COX7B2: variants seen among roughly 807,000 people sequenced by gnomAD.
COX7B2 encodes cytochrome c oxidase subunit 7B2, also known as cytochrome c oxidase subunit 7B2, mitochondrial.
For missense variants in COX7B2, 109 were observed against 95.9 expected (o/e 1.14, Z -0.57); for synonymous variants, 37 against 32.1 (o/e 1.15, Z -0.51).
At chr4:46,828,662 C>T (rs73142962) in intron 2 of COX7B2, among the ~76,000 whole-genome samples, 11,714 of 152,096 alleles carry the variant, frequency 0.077, 519 homozygotes, top group South Asian at 0.16. Flanking sequence ...AGAGTACAAT[C>T]AGTAAATCAT....
chr4:46,738,038 A>C (rs1057156580), intron 2 of COX7B2, among the ~76,000 whole-genome samples: 3 of 152,146 alleles, frequency 2.0e-5, no homozygotes, highest in Non-Finnish European at 4.4e-5. Flanking sequence ...TTTCATTTGA[A>C]TTGAATTCAG....
intron 1 of COX7B2, among the ~76,000 whole-genome samples, chr4:46,861,800 CCT>C (rs1397721850): frequency 6.6e-6 from 1 of 152,142 alleles, no homozygotes; most frequent in South Asian, 2.1e-4. Context: ...TGGATAACCC[CCT>C]CTTAGCTGTT....
chr4:46,793,640 A>G (rs956560605), intron 2 of COX7B2, among the ~76,000 whole-genome samples: 4 of 152,192 alleles, frequency 2.6e-5, no homozygotes, highest in Admixed American at 2.0e-4. Context: ...AGAGGTATCT[A>G]TGTGTACATT....
At chr4:46,831,108 G>C (rs2109725750) in intron 2 of COX7B2, among the ~76,000 whole-genome samples, 1 of 152,294 alleles carries the variant, frequency 6.6e-6, no homozygotes, top group South Asian at 2.1e-4. Context: ...GGGTGGGCAT[G>C]GGCTTGGTGG....
intron 2 of COX7B2, among the ~76,000 whole-genome samples, chr4:46,842,949 C>G (rs1184796212): frequency 6.6e-6 from 1 of 151,840 alleles, no homozygotes; most frequent in Non-Finnish European, 1.5e-5. Flanking sequence ...ATGGTATTTC[C>G]AGTTCTAGAT....
Position 46,763,052 on chromosome 4 carries a change from ATATGTAATATATAT to A in COX7B2, c.-49-27825_-49-27812del, listed in dbSNP as rs1716297997. Among the ~76,000 whole-genome samples the A allele has an allele frequency of 4.1e-5, 5 of 120,768 alleles. No individual in the cohort carries two copies. The South Asian group carries it at 9.7e-4, about 23-fold the overall frequency. The allele number at this position is 120,768 out of a possible 152,430, so 79.2% of individuals were successfully genotyped here. ...AATATAATATATATTATATATTATAATATGTAATATATATTATATAATATATATTACATATTATA... is the reference window on the plus strand; with the variant it reads ...AATATAATATATATTATATATTATAATATATAATATATATTACATATTATA... On this transcript the variant is annotated intron_variant, in intron 2 of 2. Coordinates refer to ENST00000355591, the MANE Select transcript of COX7B2 (RefSeq NM_130902.3).
chr4:46,855,832 G>C (rs1489870067), intron 1 of COX7B2, among the ~76,000 whole-genome samples: 1 of 152,152 alleles, frequency 6.6e-6, no homozygotes, highest in Non-Finnish European at 1.5e-5. Flanking sequence ...TGTTTACAAT[G>C]AGCTTCTCTG....
intron 1 of COX7B2, among the ~76,000 whole-genome samples, chr4:46,879,699 A>T: frequency 6.6e-6 from 1 of 150,900 alleles, no homozygotes; most frequent in East Asian, 2.0e-4. Context: ...TCCTTGATGG[A>T]TTTATCAAAG....
chr4:46,833,430 C>T (rs1715297606), intron 2 of COX7B2, among the ~76,000 whole-genome samples: 1 of 152,080 alleles, frequency 6.6e-6, no homozygotes, highest in South Asian at 2.1e-4. Flanking sequence ...ATGCTTAATT[C>T]CTATGCAGAA....
At chr4:46,879,821 A>G (rs1241241187) in intron 1 of COX7B2, among the ~76,000 whole-genome samples, 1 of 151,984 alleles carries the variant, frequency 6.6e-6, no homozygotes, top group Non-Finnish European at 1.5e-5. Context: ...ACAACTCTTT[A>G]TTGTACCCAG....
intron 2 of COX7B2, among the ~76,000 whole-genome samples, chr4:46,827,322 G>A (rs1714765392): frequency 1.3e-5 from 2 of 151,740 alleles, no homozygotes; most frequent in South Asian, 2.1e-4. Flanking sequence ...ACTCATAGTC[G>A]ACTTATGAAA....
chr4:46,826,595 G>T (rs1312353174), intron 2 of COX7B2, among the ~76,000 whole-genome samples: 1 of 152,070 alleles, frequency 6.6e-6, no homozygotes, highest in Non-Finnish European at 1.5e-5. Context: ...CAACAGCAAA[G>T]ACATGGAATC....
At chr4:46,836,863 G>A (rs373755297) in intron 2 of COX7B2, among the ~76,000 whole-genome samples, 58 of 152,128 alleles carry the variant, frequency 3.8e-4, no homozygotes, top group African/African-American at 1.3e-3. Flanking sequence ...TAGGCAATAG[G>A]TATTTTTCAG....
chr4:46,892,470 A>G (rs906385174), intron 1 of COX7B2, among the ~76,000 whole-genome samples: 4 of 152,176 alleles, frequency 2.6e-5, no homozygotes, highest in African/African-American at 9.6e-5. Flanking sequence ...ACATGTAGTG[A>G]CATGTATTCT....
intron 2 of COX7B2, among the ~76,000 whole-genome samples, chr4:46,837,745 A>C (rs1715633729): frequency 6.6e-6 from 1 of 152,106 alleles, no homozygotes; most frequent in Non-Finnish European, 1.5e-5. Flanking sequence ...TAGCAATTAA[A>C]TATCCCTGAG....
rs1377922703 is a variant in COX7B2, at chr4:46,800,075, G to GA, written c.-50+44884dup. Among the ~76,000 whole-genome samples the GA allele has an allele frequency of 5.9e-5, 9 of 151,962 alleles. No individual in the cohort carries two copies. The East Asian group carries it at 1.7e-3, about 29-fold the overall frequency. ...TAGGAATATAGCTAACCAGGGAGCTGAAAAATCTCTACAGTGAAAATTATA... is the reference window on the plus strand; with the variant it reads ...TAGGAATATAGCTAACCAGGGAGCTGAAAAAATCTCTACAGTGAAAATTATA... On this transcript the variant is annotated intron_variant, in intron 2 of 2. Transcript: ENST00000355591.
intron 2 of COX7B2, among the ~76,000 whole-genome samples, chr4:46,795,026 G>T (rs892059586): frequency 1.4e-5 from 2 of 140,078 alleles, no homozygotes; most frequent in Non-Finnish European, 3.0e-5. Context: ...CATGTCCTTC[G>T]CCCACTTTTT....
At chr4:46,819,539 T>TAAA (rs397959996) in intron 2 of COX7B2, among the ~76,000 whole-genome samples, 8 of 112,262 alleles carry the variant, frequency 7.1e-5, no homozygotes, top group East Asian at 2.5e-4. Flanking sequence ...GCTGATGAGC[T>TAAA]AAAAAAAAAA....
chr4:46,833,794 G>T (rs1487659117), intron 2 of COX7B2, among the ~76,000 whole-genome samples: 5 of 152,082 alleles, frequency 3.3e-5, no homozygotes, highest in Admixed American at 1.3e-4. Context: ...AATCTTTACA[G>T]ATAAGGCAAA....
Sources: gnomAD v4.1 joint callset for allele counts (sites outside exome capture counted in the v4.1 genomes callset) on GRCh38, gnomAD v4.1.1 for gene constraint, MANE v1.5 for transcripts, NCBI Gene and HGNC (gene_info 2026-07-23, HGNC 2026-07-21) for gene names.